Variants in TAFA2 observed in about 807,000 individuals in gnomAD.
The protein encoded by TAFA2 is TAFA chemokine like family member 2.
A neutral mutation model predicts 18.8 loss-of-function variants in TAFA2; 7 were observed. The observed-to-expected ratio is 0.37, with a 90% CI of 0.21 to 0.70. The LOEUF is 0.70. TAFA2 is among the 30% of genes least tolerant of loss of function. TAFA2 has a pLI of 0.53. For synonymous variants in TAFA2, 60 were observed against 54.2 expected (o/e 1.11, Z -0.47); for missense variants, 122 against 158.1 (o/e 0.77, Z 1.23).
At chr12:61,735,979 T>G (rs2120676583) in intron 4 of TAFA2, among the ~76,000 whole-genome samples, 1 of 152,164 alleles carries the variant, frequency 6.6e-6, no homozygotes, top group East Asian at 1.9e-4. Context: ...GGTATTAAAG[T>G]GATTCAGACT....
intron 1 of TAFA2, among the ~76,000 whole-genome samples, chr12:62,148,022 A>G (rs2136916444): frequency 6.6e-6 from 1 of 152,086 alleles, no homozygotes; most frequent in East Asian, 1.9e-4. Flanking sequence ...GATACCATCG[A>G]ACGCCAGTCA....
intron 4 of TAFA2, among the ~76,000 whole-genome samples, chr12:61,710,979 A>C (rs1000421933): frequency 6.6e-6 from 1 of 152,098 alleles, no homozygotes; most frequent in Non-Finnish European, 1.5e-5. Context: ...GGGGACAAAA[A>C]TATCTGAGGA....
At chr12:61,779,417 T>C (rs184581130) in intron 2 of TAFA2, among the ~76,000 whole-genome samples, 117 of 151,870 alleles carry the variant, frequency 7.7e-4, no homozygotes, top group Non-Finnish European at 7.4e-5. Flanking sequence ...CAAAACCCAT[T>C]TGAGAGTAAA....
intron 1 of TAFA2, among the ~76,000 whole-genome samples, chr12:62,063,464 T>C (rs567023491): frequency 1.3e-5 from 2 of 152,328 alleles, no homozygotes; most frequent in Non-Finnish European, 2.9e-5. Flanking sequence ...ATTCTATATA[T>C]AGTTTGGGTT....
intron 4 of TAFA2, among the ~76,000 whole-genome samples, chr12:61,715,198 T>C (rs573180924): frequency 6.6e-6 from 1 of 152,326 alleles, no homozygotes; most frequent in South Asian, 2.1e-4. Context: ...GACTTAATTT[T>C]CTGTTGCTTA....
intron 1 of TAFA2, among the ~76,000 whole-genome samples, chr12:62,034,244 T>C (rs920272781): frequency 2.0e-5 from 3 of 152,140 alleles, no homozygotes; most frequent in African/African-American, 7.2e-5. Flanking sequence ...ATGTTCACCT[T>C]GAGCCCAGCC....
chr12:61,731,078 T>C (rs1870424436), intron 4 of TAFA2, among the ~76,000 whole-genome samples: 1 of 152,152 alleles, frequency 6.6e-6, no homozygotes, highest in African/African-American at 2.4e-5. Context: ...CAGAAATGGC[T>C]TCCCTGGGGA....
At chr12:61,793,965 T>C (rs1871089405) in intron 2 of TAFA2, among the ~76,000 whole-genome samples, 1 of 151,884 alleles carries the variant, frequency 6.6e-6, no homozygotes, top group African/African-American at 2.4e-5. Context: ...GCTGAATAAA[T>C]TCAACACAAA....
At chr12:61,760,157 A>G (rs1452738751) in intron 2 of TAFA2, among the ~76,000 whole-genome samples, 1 of 150,194 alleles carries the variant, frequency 6.7e-6, no homozygotes. Context: ...CTTTGTAAAA[A>G]CCTCTCTCAG....
chr12:61,772,498 A>T (rs1870076220), intron 2 of TAFA2, among the ~76,000 whole-genome samples: 1 of 152,046 alleles, frequency 6.6e-6, no homozygotes, highest in South Asian at 2.1e-4. Context: ...CAGCATTATC[A>T]AAAAGATAAT....
intron 1 of TAFA2, among the ~76,000 whole-genome samples, chr12:62,205,841 C>A (rs938389851): frequency 4.6e-5 from 7 of 151,966 alleles, no homozygotes; most frequent in African/African-American, 1.7e-4. Context: ...GTTTGGGATC[C>A]AAGGCCCTGG....
chr12:62,150,579 C>T (rs1487202432), intron 1 of TAFA2, among the ~76,000 whole-genome samples: 1 of 152,078 alleles, frequency 6.6e-6, no homozygotes, highest in Non-Finnish European at 1.5e-5. Flanking sequence ...CAGTACCACA[C>T]ACATTGCCTT....
At chr12:61,781,929 C>A (rs1870521786) in intron 2 of TAFA2, among the ~76,000 whole-genome samples, 3 of 151,554 alleles carry the variant, frequency 2.0e-5, no homozygotes, top group Admixed American at 2.0e-4. Flanking sequence ...GATTTCATGT[C>A]ATTCACCAAT....
intron 1 of TAFA2, among the ~76,000 whole-genome samples, chr12:62,019,001 A>G (rs1328003085): frequency 6.6e-6 from 1 of 152,224 alleles, no homozygotes; most frequent in African/African-American, 2.4e-5. Flanking sequence ...AACCCCATCA[A>G]CAAGTGGGCA....
At chr12:61,849,293 T>C (rs1274214994) in intron 2 of TAFA2, among the ~76,000 whole-genome samples, 1 of 152,222 alleles carries the variant, frequency 6.6e-6, no homozygotes, top group Non-Finnish European at 1.5e-5. Context: ...TGCATTCAGC[T>C]CAAACCCTAA....
rs549872012 is a variant in TAFA2 at position 62,011,137 on chromosome 12, C to T, written c.-1-143711G>A. Among the ~76,000 whole-genome samples, 17 of 150,706 alleles carry T rather than the reference C, an allele frequency of 1.1e-4. No individual in the cohort carries two copies. In the South Asian group the frequency reaches 3.0e-3, roughly 26 times the overall value. On this transcript the variant is annotated intron_variant, in intron 1 of 4. Transcript: ENST00000416284. ...CTGGGATGTGAGGAGCGCCTCTGCCCGGCCGCCCCGTCTGGGAAATGAGGA... is the reference window on the plus strand; with the variant it reads ...CTGGGATGTGAGGAGCGCCTCTGCCTGGCCGCCCCGTCTGGGAAATGAGGA...
chr12:61,756,075 A>C (rs968117791), intron 2 of TAFA2, among the ~76,000 whole-genome samples: 2 of 152,100 alleles, frequency 1.3e-5, no homozygotes, highest in Non-Finnish European at 2.9e-5. Context: ...TCGGCACATC[A>C]TACATTTATA....
chr12:62,061,797 A>G (rs1251359389), intron 1 of TAFA2, among the ~76,000 whole-genome samples: 1 of 152,240 alleles, frequency 6.6e-6, no homozygotes, highest in Non-Finnish European at 1.5e-5. Context: ...TCTACAATGT[A>G]TCAGATCAGA....
chr12:62,007,734 G>A (rs1295157479), intron 1 of TAFA2, among the ~76,000 whole-genome samples: 4 of 149,168 alleles, frequency 2.7e-5, no homozygotes, highest in African/African-American at 7.4e-5. Context: ...ATAACAATAC[G>A]GGGTACAGTG....
Sources: allele counts gnomAD v4.1 joint callset (sites outside exome capture counted in the v4.1 genomes callset), GRCh38; gene constraint gnomAD v4.1.1; transcripts MANE v1.5; gene names NCBI Gene and HGNC (gene_info 2026-07-23, HGNC 2026-07-21).